The following LAYN variants were observed in gnomAD, a reference collection of about 807,000 sequenced individuals.
LAYN encodes the protein layilin.
LAYN carries 38 observed loss-of-function variants against 43.6 expected under a neutral mutation model. That is an observed-to-expected ratio of 0.87 (90% CI 0.67 to 1.14). The LOEUF (loss-of-function observed/expected upper bound fraction) is 1.14. LAYN is among the 50% of genes most tolerant of loss of function. The probability of loss-of-function intolerance (pLI) is 0.00; values close to 1 mark genes in which losing one functional copy is unlikely to be tolerated. For missense variants in LAYN, 479 were observed against 463.8 expected (o/e 1.03, Z -0.30); for synonymous variants, 168 against 172.9 (o/e 0.97, Z 0.22).
chr11:111,557,452 C>A (rs779760295), intron 5 of LAYN, 89 bp from the exon 6 acceptor site: 1 of 1,030,972 alleles, frequency 9.7e-7, no homozygotes, highest in East Asian at 2.4e-5. Context: ...TGGTTTTTGA[C>A]GATTATGCTT....
chr11:111,548,173 C>T (rs186774031), intron 2 of LAYN, among the ~76,000 whole-genome samples: 43 of 152,294 alleles, frequency 2.8e-4, no homozygotes, highest in African/African-American at 1.0e-3. Flanking sequence ...AACTTGCACC[C>T]TGTGTCCAAC....
intron 5 of LAYN, 121 bp downstream of exon 5, chr11:111,555,411 G>C (rs970165373): frequency 1.5e-6 from 1 of 677,842 alleles, no homozygotes; most frequent in Admixed American, 2.7e-5. Context: ...ACTAGACAGG[G>C]CATGTGTGGC....
chr11:111,553,222 G>A (rs78611726), intron 3 of LAYN, among the ~76,000 whole-genome samples: 13 of 152,092 alleles, frequency 8.5e-5, no homozygotes, highest in African/African-American at 2.4e-4. Context: ...TAGCCTGGGC[G>A]ACAGACTGAG....
chr11:111,541,045 C>T (rs1370318388), intron 1 of LAYN, 117 bp downstream of exon 1: 4 of 900,262 alleles, frequency 4.4e-6, no homozygotes, highest in Non-Finnish European at 6.6e-6. Context: ...CCATGCCCCA[C>T]TCCCAGACGC....
At chr11:111,551,934 A>G (rs1453021487) in intron 3 of LAYN, among the ~76,000 whole-genome samples, 1 of 152,156 alleles carries the variant, frequency 6.6e-6, no homozygotes, top group Non-Finnish European at 1.5e-5. Flanking sequence ...GTAAATATGG[A>G]CAAAAATCTT....
At chr11:111,542,361 G>A (rs1867562453) in intron 1 of LAYN, among the ~76,000 whole-genome samples, 3 of 152,228 alleles carry the variant, frequency 2.0e-5, no homozygotes, top group South Asian at 4.1e-4. Context: ...ACAGGAAAAG[G>A]GAGAAGATGT....
chr11:111,546,129 T>C (rs753667792), intron 2 of LAYN, among the ~76,000 whole-genome samples: 7 of 152,124 alleles, frequency 4.6e-5, no homozygotes, highest in Non-Finnish European at 7.4e-5. Context: ...CCTAGCTGAG[T>C]TATTTTGTCT....
intron 6 of LAYN, 143 bp from the exon 7 acceptor site, chr11:111,559,952 A>G: frequency 1.1e-6 from 1 of 908,162 alleles, no homozygotes; most frequent in Non-Finnish European, 1.7e-6. Flanking sequence ...TCCCACTCCG[A>G]AGCCCTGGCC....
At chr11:111,556,086 A>C (rs560610599) in intron 5 of LAYN, among the ~76,000 whole-genome samples, 1 of 152,316 alleles carries the variant, frequency 6.6e-6, no homozygotes, top group East Asian at 1.9e-4. Flanking sequence ...TTGGCTACAA[A>C]TCCAGGAGTG....
chr11:111,554,511 T>A, intron 3 of LAYN, 50 bp from the exon 4 acceptor site: 1 of 1,406,978 alleles, frequency 7.1e-7, no homozygotes, highest in Non-Finnish European at 1.0e-6. Flanking sequence ...TTCATTCAGA[T>A]GCCATAAAAA....
At chr11:111,554,638 AG>A (rs772287443) in intron 4 of LAYN, 45 bp downstream of exon 4, 8 of 1,529,750 alleles carry the variant, frequency 5.2e-6, no homozygotes, top group Non-Finnish European at 7.2e-6. Flanking sequence ...GCTGTTTCAT[AG>A]CCCCTCTTCA....
rs746090960 is a variant in LAYN at position 111,549,645 on chromosome 11, C to T, written c.411C>T (p.Cys137=). 6.3e-6 allele frequency: 10 copies of T among 1,580,004 alleles called. No individual in the cohort carries two copies. The highest frequency in any genetic ancestry group is 3.8e-5 in the Admixed American group (2 of 53,080). Reference sequence around the variant, plus strand: ...ACTGGTATGTGGATGAGCCATCCTGCGGCAGCGAGGTCTGCGTGGTCATGT... The same window carrying T: ...ACTGGTATGTGGATGAGCCATCCTGTGGCAGCGAGGTCTGCGTGGTCATGT... ...FRNWYVDEPS[C]GSEVCVVMYH... The change falls in exon 3 of 7, where the codon TGC becomes TGT. Residue 137 remains cysteine (C), a synonymous_variant. Transcript: ENST00000375614.
chr11:111,544,088 A>AGTTCATTGAAAACC lies in LAYN; in HGVS notation c.252_265dup (p.Leu89ArgfsTer87), dbSNP rs1867599885. ...GAAGATGAACAGAAACTGATAGAAA[A>AGTTCATTGAAAACC]GTTCATTGAAAACCTCTTGCCATCT... On this transcript the variant is annotated frameshift_variant, in exon 2 of 7. Transcript: ENST00000375614. LOFTEE classifies it high-confidence loss of function. 1 of 1,614,216 alleles carries AGTTCATTGAAAACC rather than the reference A, an allele frequency of 6.2e-7. No individual in the cohort carries two copies. The highest frequency in any genetic ancestry group is 1.3e-5 in the African/African-American group (1 of 75,050).
At chr11:111,559,466 T>C (rs1357783030) in intron 6 of LAYN, among the ~76,000 whole-genome samples, 1 of 151,858 alleles carries the variant, frequency 6.6e-6, no homozygotes. Context: ...TATTTTATTT[T>C]ATTTTATTTT....
intron 3 of LAYN, among the ~76,000 whole-genome samples, chr11:111,550,649 G>A (rs972331374): frequency 2.0e-5 from 3 of 152,128 alleles, no homozygotes; most frequent in South Asian, 4.2e-4. Context: ...TTGTCCTCTC[G>A]GATGAATTCT....
chr11:111,544,557 A>G (rs1867614705), intron 2 of LAYN, among the ~76,000 whole-genome samples: 1 of 152,220 alleles, frequency 6.6e-6, no homozygotes, highest in African/African-American at 2.4e-5. Flanking sequence ...GCTATGACTC[A>G]GGGTAGGACT....
chr11:111,542,065 A>G (rs532419938), intron 1 of LAYN, among the ~76,000 whole-genome samples: 7 of 152,278 alleles, frequency 4.6e-5, no homozygotes, highest in Non-Finnish European at 1.0e-4. Flanking sequence ...ACAATCCAAC[A>G]TGGAAAGTGG....
Position 111,557,588 on chromosome 11 carries a change from C to T in LAYN, c.706C>T (p.Leu236Phe), listed in dbSNP as rs1867869692. 1 of 1,614,102 alleles carries T rather than the reference C, an allele frequency of 6.2e-7. No individual in the cohort carries two copies. Among genetic ancestry groups the T allele is most frequent in the Non-Finnish European group, 8.5e-7 (1 of 1,179,942 alleles). Reference protein sequence around the residue: ...AYILIPSIPLLLLLVVTTVVC... With the variant: ...AYILIPSIPLFLLLVVTTVVC... The stretch of plus-strand genomic sequence containing the variant: ...CATCCTAATCCCCAGCATTCCCCTT[C>T]TCCTCCTCCTTGTGGTCACCACAGT... The change falls in exon 6 of 7, where the codon CTC (leucine) becomes TTC (phenylalanine). Residue 236 changes from leucine (L) to phenylalanine (F), a missense_variant. Coordinates refer to ENST00000375614, the MANE Select transcript of LAYN (RefSeq NM_178834.5).
At chr11:111,558,433 G>A (rs2135805362) in intron 6 of LAYN, among the ~76,000 whole-genome samples, 1 of 152,198 alleles carries the variant, frequency 6.6e-6, no homozygotes, top group South Asian at 2.1e-4. Context: ...TTATTATAAG[G>A]ATTAAGGCAG....
Sources: gnomAD v4.1 joint callset for allele counts (sites outside exome capture counted in the v4.1 genomes callset) on GRCh38, gnomAD v4.1.1 for gene constraint, MANE v1.5 for transcripts, NCBI Gene and HGNC (gene_info 2026-07-23, HGNC 2026-07-21) for gene names.